MMP16: variants seen among roughly 807,000 people sequenced by gnomAD.
MMP16 encodes matrix metalloproteinase-16.
A neutral mutation model predicts 67.8 loss-of-function variants in MMP16; 12 were observed. The ratio of observed to expected loss-of-function variants is 0.18; its 90% CI spans 0.11 to 0.29. The LOEUF (loss-of-function observed/expected upper bound fraction) is 0.29. Among genes scored for constraint, MMP16 ranks in the 10% least tolerant of loss-of-function variants. MMP16 has a pLI of 1.00. For missense variants in MMP16, 475 were observed against 765.7 expected (o/e 0.62, Z 4.48); for synonymous variants, 249 against 255.9 (o/e 0.97, Z 0.26).
chr8:88,249,454 T>C (rs1810171759), intron 1 of MMP16, among the ~76,000 whole-genome samples: 2 of 152,118 alleles, frequency 1.3e-5, no homozygotes, highest in Admixed American at 6.6e-5. Context: ...GATATTACAA[T>C]TATGCTCATA....
intron 8 of MMP16, among the ~76,000 whole-genome samples, chr8:88,051,214 T>C (rs1808265878): frequency 2.0e-5 from 3 of 152,144 alleles, no homozygotes; most frequent in Admixed American, 1.3e-4. Context: ...TCCAACATAT[T>C]TGAGCTTATG....
At chr8:88,245,826 G>T (rs900929850) in intron 1 of MMP16, among the ~76,000 whole-genome samples, 8 of 152,158 alleles carry the variant, frequency 5.3e-5, no homozygotes, top group African/African-American at 1.9e-4. Context: ...TTCCCAAGGT[G>T]CAGAGCAATA....
intron 2 of MMP16, among the ~76,000 whole-genome samples, chr8:88,191,190 T>C (rs1809164267): frequency 6.6e-6 from 1 of 152,112 alleles, no homozygotes; most frequent in African/African-American, 2.4e-5. Flanking sequence ...GTATAAAAAT[T>C]GAAAGCAGGG....
At chr8:88,147,777 TTGTGTG>T (rs55829907) in intron 4 of MMP16, among the ~76,000 whole-genome samples, 3 of 149,286 alleles carry the variant, frequency 2.0e-5, no homozygotes, top group African/African-American at 7.4e-5. Flanking sequence ...AAATATGTGT[TTGTGTG>T]TGTGTGTGTG....
At chr8:88,305,790 G>C (rs1317591134) in intron 1 of MMP16, among the ~76,000 whole-genome samples, 2 of 152,144 alleles carry the variant, frequency 1.3e-5, no homozygotes, top group African/African-American at 4.8e-5. Context: ...CTAAAGCAGT[G>C]TTAAGGGGGA....
intron 4 of MMP16, among the ~76,000 whole-genome samples, chr8:88,149,830 T>G (rs907362245): frequency 3.3e-5 from 5 of 150,664 alleles, no homozygotes; most frequent in South Asian, 2.1e-4. Context: ...GGAACGCAGT[T>G]CCTCACCAGC....
At chr8:88,278,486 A>C (rs1810683037) in intron 1 of MMP16, among the ~76,000 whole-genome samples, 1 of 152,190 alleles carries the variant, frequency 6.6e-6, no homozygotes, top group East Asian at 1.9e-4. Flanking sequence ...CCAAATCTTT[A>C]AAGTGCTGCA....
At chr8:88,309,860 C>G (rs1811269319) in intron 1 of MMP16, among the ~76,000 whole-genome samples, 1 of 151,990 alleles carries the variant, frequency 6.6e-6, no homozygotes, top group African/African-American at 2.4e-5. Context: ...ACTGTTAAAA[C>G]ACTATGATCT....
Position 88,040,398 on chromosome 8 carries a change from C to T in MMP16, c.*1063G>A, listed in dbSNP as rs576310884. ...TGCCCAGTTCTATAATTTATCAGATCGCAAGACCGACAATCCTAAGACTCT... is the reference window on the plus strand; with the variant it reads ...TGCCCAGTTCTATAATTTATCAGATTGCAAGACCGACAATCCTAAGACTCT... On this transcript the variant is annotated 3_prime_UTR_variant, in exon 10 of 10. Coordinates refer to ENST00000286614, the MANE Select transcript of MMP16 (RefSeq NM_005941.5). The T allele has an allele frequency of 3.3e-5, 5 of 152,580 alleles. No homozygotes were observed. Among genetic ancestry groups the T allele is most frequent in the Admixed American group, 2.0e-4 (3 of 15,256 alleles). 9.5% of individuals were successfully genotyped at this position (152,580 alleles called of 1,614,324 possible).
chr8:88,298,996 A>G (rs537181933), intron 1 of MMP16, among the ~76,000 whole-genome samples: 1 of 152,176 alleles, frequency 6.6e-6, no homozygotes, highest in Non-Finnish European at 1.5e-5. Flanking sequence ...TTTTGTAAAA[A>G]TCCATTTTTT....
At chr8:88,134,896 A>G (rs948399737) in intron 4 of MMP16, among the ~76,000 whole-genome samples, 1 of 151,608 alleles carries the variant, frequency 6.6e-6, no homozygotes, top group Non-Finnish European at 1.5e-5. Context: ...ATTGATAGCT[A>G]TCTGATTGGT....
In MMP16 at chr8:88,116,582, G is replaced by C. The variant is rs761488939; in HGVS notation, c.1008C>G (p.Pro336=). 6.2e-7 allele frequency: 1 copy of C among 1,613,754 alleles called. No homozygotes were observed. Among genetic ancestry groups the C allele is most frequent in the South Asian group, 1.1e-5 (1 of 91,076 alleles). The stretch of plus-strand genomic sequence containing the variant: ...CATCACAGATGTTGGGTTTGGCTCC[G>C]GGATAGGAGGGTCTGCCGGTTGGAG... ...PRPPTGRPSY[P]GAKPNICDGN... Residue 336 remains proline, a synonymous_variant, in exon 6 of 10, where the codon CCC becomes CCG. Transcript: ENST00000286614.
At chr8:88,127,164 C>T (rs1278411674) in intron 4 of MMP16, among the ~76,000 whole-genome samples, 1 of 151,808 alleles carries the variant, frequency 6.6e-6, no homozygotes, top group African/African-American at 2.4e-5. Context: ...ATGTGAGTGA[C>T]AGAGTTGAGA....
chr8:88,157,090 G>A (rs1429344405), intron 4 of MMP16, among the ~76,000 whole-genome samples: 1 of 152,042 alleles, frequency 6.6e-6, no homozygotes, highest in Non-Finnish European at 1.5e-5. Context: ...GTGCAAACAG[G>A]GCAGAAATGG....
intron 1 of MMP16, among the ~76,000 whole-genome samples, chr8:88,241,410 A>C (rs995755879): frequency 1.3e-5 from 2 of 152,184 alleles, no homozygotes; most frequent in African/African-American, 4.8e-5. Context: ...ACTATAGTCC[A>C]GCAAATCAGT....
At chr8:88,167,631 A>T (rs2129702070) in intron 4 of MMP16, 38 bp downstream of exon 4, 1 of 1,502,362 alleles carries the variant, frequency 6.7e-7, no homozygotes, top group Non-Finnish European at 8.9e-7. Context: ...TGAAATAATA[A>T]TAGAAATATT....
Position 88,099,139 on chromosome 8 carries a change from C to T in MMP16, c.1083+17368G>A, listed in dbSNP as rs143793022. ...ATTTCATATATTCAAATTCTATGTA[C>T]GTTCTAAAAAGAATATAAGAATTTT... On this transcript the variant is annotated intron_variant, in intron 6 of 9. Transcript: ENST00000286614. Among the ~76,000 whole-genome samples the T allele has an allele frequency of 6.6e-3, 994 of 151,214 alleles. 12 individuals are homozygous for T. The highest frequency in any genetic ancestry group is 0.022 in the African/African-American group (919 of 41,336).
intron 6 of MMP16, among the ~76,000 whole-genome samples, chr8:88,075,725 C>T (rs888291138): frequency 1.3e-5 from 2 of 151,864 alleles, no homozygotes; most frequent in Admixed American, 1.3e-4. Context: ...TATGTATAAG[C>T]AATATTTCAC....
At chr8:88,127,349 G>A (rs115029227) in intron 4 of MMP16, among the ~76,000 whole-genome samples, 13 of 151,906 alleles carry the variant, frequency 8.6e-5, no homozygotes, top group African/African-American at 3.1e-4. Flanking sequence ...ATGATTGATG[G>A]CAAAGAAAGC....
Sources: allele counts gnomAD v4.1 joint callset (sites outside exome capture counted in the v4.1 genomes callset), GRCh38; gene constraint gnomAD v4.1.1; transcripts MANE v1.5; gene names NCBI Gene and HGNC (gene_info 2026-07-23, HGNC 2026-07-21).